The following ILRUN variants were observed in gnomAD, a reference collection of about 807,000 sequenced individuals.
ILRUN encodes inflammation and lipid regulator with UBA-like and NBR1-like domains.
Under a neutral mutation model 33.8 loss-of-function variants are expected in ILRUN, and 3 were observed. The ratio of observed to expected loss-of-function variants is 0.09; its 90% CI spans 0.04 to 0.23. ILRUN has a LOEUF of 0.23. ILRUN is among the 10% of genes least tolerant of loss of function. ILRUN has a pLI of 1.00. For synonymous variants in ILRUN, 124 were observed against 138.9 expected, an observed-to-expected ratio of 0.89 and a Z score of 0.75; for missense variants, 210 against 375.1, an observed-to-expected ratio of 0.56 and a Z score of 3.64.
At chr6:34,613,731 C>T (rs767200868) in intron 3 of ILRUN, among the ~76,000 whole-genome samples, 2 of 152,144 alleles carry the variant, frequency 1.3e-5, no homozygotes, top group South Asian at 2.1e-4. Flanking sequence ...TGAAGAAATA[C>T]GGAATCAGTT....
intron 1 of ILRUN, among the ~76,000 whole-genome samples, chr6:34,678,469 A>G (rs1763285659): frequency 6.6e-6 from 1 of 152,200 alleles, no homozygotes; most frequent in Non-Finnish European, 1.5e-5. Flanking sequence ...TCAGAAAATG[A>G]GCATAGTACT....
intron 4 of ILRUN, among the ~76,000 whole-genome samples, chr6:34,606,302 C>T (rs890755560): frequency 1.3e-5 from 2 of 152,138 alleles, no homozygotes; most frequent in African/African-American, 4.8e-5. Flanking sequence ...ACTCTTTCAA[C>T]ACCCAAACCA....
rs1763600641 is a variant in ILRUN at position 34,689,462 on chromosome 6, A to T, written c.158+6984T>A. 2.6e-5 allele frequency among the ~76,000 whole-genome samples: 4 copies of T among 152,324 alleles called. No homozygotes were observed. In the South Asian group the frequency reaches 6.2e-4, roughly 24 times the overall value. ...AATCAAAAATAAAAACCTTTTAAAA[A>T]ATGTAATAGAGTACATAATACTCTA... is the stretch of plus-strand genomic sequence containing the variant. On this transcript the variant is annotated intron_variant, in intron 1 of 4. Transcript: ENST00000374023.
Position 34,683,409 on chromosome 6 carries a change from T to TATATATAC in ILRUN, c.158+13036_158+13037insGTATATAT, listed in dbSNP as rs1554189811. Among the ~76,000 whole-genome samples, 4 of 99,646 alleles carry TATATATAC rather than the reference T, an allele frequency of 4.0e-5. 1 individual carries two copies. Among genetic ancestry groups the TATATATAC allele is most frequent in the African/African-American group, 2.6e-4 (4 of 15,298 alleles). 65.4% of individuals were successfully genotyped at this position (99,646 alleles called of 152,430 possible). A position where few individuals can be genotyped will look rare whatever the true frequency, so the allele number is the denominator to read the frequency against. On this transcript the variant is annotated intron_variant, in intron 1 of 4. Transcript: ENST00000374023. ...TGTTATATATATGCACATATATACA[T>TATATATAC]ATATATATACATATATATACATATA...
At position 34,673,607 on chromosome 6, in the gene ILRUN, C is replaced by T. The variant is rs562738621; in HGVS notation, c.159-18828G>A. 1.1e-3 allele frequency among the ~76,000 whole-genome samples: 161 copies of T among 152,194 alleles called. 1 individual carries two copies. Among genetic ancestry groups the T allele is most frequent in the African/African-American group, 3.7e-3 (152 of 41,530 alleles). Reference sequence around the variant, plus strand: ...AGATTGGTGACACATGCCTGTAATGCCAGCACTTTGGGAGGCCAAGGCAAA... The same window carrying T: ...AGATTGGTGACACATGCCTGTAATGTCAGCACTTTGGGAGGCCAAGGCAAA... On this transcript the variant is annotated intron_variant, in intron 1 of 4. Coordinates refer to ENST00000374023, the MANE Select transcript of ILRUN (RefSeq NM_024294.4).
chr6:34,601,221 A>G (rs542774305), intron 4 of ILRUN, among the ~76,000 whole-genome samples: 2 of 152,340 alleles, frequency 1.3e-5, no homozygotes, highest in East Asian at 3.9e-4. Flanking sequence ...TAAATTTAAA[A>G]AAGTCCTCAG....
intron 1 of ILRUN, among the ~76,000 whole-genome samples, chr6:34,656,709 T>TG: frequency 6.6e-6 from 1 of 152,308 alleles, no homozygotes; most frequent in East Asian, 1.9e-4. Context: ...AATTTTCTGT[T>TG]GGGGGCCTGC....
At chr6:34,694,665 G>GT (rs1320893777) in intron 1 of ILRUN, among the ~76,000 whole-genome samples, 2 of 152,032 alleles carry the variant, frequency 1.3e-5, no homozygotes, top group Non-Finnish European at 2.9e-5. Flanking sequence ...CAGTCAAAGA[G>GT]TTTTCTAAAC....
chr6:34,666,913 T>A (rs535534836), intron 1 of ILRUN, among the ~76,000 whole-genome samples: 1 of 152,232 alleles, frequency 6.6e-6, no homozygotes, highest in Non-Finnish European at 1.5e-5. Flanking sequence ...AACTATGGCA[T>A]TTCTTATGCA....
chr6:34,607,264 T>C (rs1418128863), intron 3 of ILRUN, among the ~76,000 whole-genome samples: 1 of 152,264 alleles, frequency 6.6e-6, no homozygotes. Flanking sequence ...TGGTATCTCT[T>C]TGTGGTTTTT....
intron 1 of ILRUN, among the ~76,000 whole-genome samples, chr6:34,683,514 ACATATATATATATACATATT>A (rs1763449983): frequency 2.9e-4 from 19 of 65,950 alleles, no homozygotes; most frequent in Middle Eastern, 6.9e-3. Context: ...ATATATATAT[ACATATATATATATACATATT>A]GCACAGAATA....
chr6:34,652,299 A>G (rs1762687043), intron 2 of ILRUN, among the ~76,000 whole-genome samples: 2 of 152,158 alleles, frequency 1.3e-5, no homozygotes, highest in African/African-American at 2.4e-5. Context: ...AAATATGGCT[A>G]TTTTCCTCTG....
intron 3 of ILRUN, among the ~76,000 whole-genome samples, chr6:34,626,883 T>C (rs1006461772): frequency 1.3e-5 from 2 of 151,928 alleles, no homozygotes; most frequent in East Asian, 1.9e-4. Flanking sequence ...TGCGCACTTG[T>C]AATCCCAGCT....
At chr6:34,641,078 C>CAAACAAA (rs1762465647) in intron 3 of ILRUN, among the ~76,000 whole-genome samples, 2 of 77,120 alleles carry the variant, frequency 2.6e-5, no homozygotes, top group Non-Finnish European at 5.3e-5. Flanking sequence ...GACTCCATCT[C>CAAACAAA]AAAAAAAAAA....
At position 34,590,546 on chromosome 6, in the gene ILRUN, T is replaced by G. The variant is rs1159867276; in HGVS notation, c.*19A>C. The stretch of plus-strand genomic sequence containing the variant: ...AGGCCTTCTGTCTTTTGTTAATTTT[T>G]CTTCTTGCTGACACCCGTTTAAGAC... On this transcript the variant is annotated 3_prime_UTR_variant, in exon 5 of 5. Coordinates refer to ENST00000374023, the MANE Select transcript of ILRUN (RefSeq NM_024294.4). 6.2e-7 allele frequency: 1 copy of G among 1,614,012 alleles called. No homozygotes were observed. Among genetic ancestry groups the G allele is most frequent in the South Asian group, 1.1e-5 (1 of 91,078 alleles).
At chr6:34,619,005 G>C (rs1761955636) in intron 3 of ILRUN, among the ~76,000 whole-genome samples, 1 of 152,124 alleles carries the variant, frequency 6.6e-6, no homozygotes, top group African/African-American at 2.4e-5. Flanking sequence ...AGTCAGTAGA[G>C]TACTAAGGAC....
chr6:34,656,278 T>C (rs1285054637), intron 1 of ILRUN, among the ~76,000 whole-genome samples: 1 of 151,956 alleles, frequency 6.6e-6, no homozygotes, highest in African/African-American at 2.4e-5. Context: ...GTTTCTTTTT[T>C]GGAAGTATCA....
At chr6:34,609,518 A>T (rs1047612535) in intron 3 of ILRUN, among the ~76,000 whole-genome samples, 1 of 152,134 alleles carries the variant, frequency 6.6e-6, no homozygotes, top group African/African-American at 2.4e-5. Context: ...GGAATCTTAA[A>T]GTATCATACA....
intron 4 of ILRUN, among the ~76,000 whole-genome samples, chr6:34,602,158 T>C (rs1761523988): frequency 6.6e-6 from 1 of 152,118 alleles, no homozygotes; most frequent in Admixed American, 6.5e-5. Context: ...AAGAGCCATA[T>C]TTCAAGTAAC....
Sources: gnomAD v4.1 joint callset for allele counts (sites outside exome capture counted in the v4.1 genomes callset) on GRCh38, gnomAD v4.1.1 for gene constraint, MANE v1.5 for transcripts, NCBI Gene and HGNC (gene_info 2026-07-23, HGNC 2026-07-21) for gene names.